Variants in WWOX observed in about 807,000 individuals in gnomAD.
WWOX encodes the protein WW domain-containing oxidoreductase.
Under a neutral mutation model 46.2 loss-of-function variants are expected in WWOX, and 69 were observed. The ratio of observed to expected loss-of-function variants is 1.49; its 90% CI spans 1.23 to 1.82. The LOEUF is 1.82. Among genes scored for constraint, WWOX ranks in the 40% most tolerant of loss-of-function variants. The probability of loss-of-function intolerance (pLI) is 0.00; values close to 1 mark genes in which losing one functional copy is unlikely to be tolerated. For missense variants in WWOX, 919 were observed against 542.6 expected, an observed-to-expected ratio of 1.69 and a Z score of -6.89; for synonymous variants, 359 against 202.6, an observed-to-expected ratio of 1.77 and a Z score of -6.56.
chr16:78,782,998 A>G (rs1220632367), intron 8 of WWOX, among the ~76,000 whole-genome samples: 1 of 152,232 alleles, frequency 6.6e-6, no homozygotes, highest in East Asian at 1.9e-4. Context: ...ATTTTGAATT[A>G]CAATACTGAA....
At chr16:78,640,353 G>A (rs2046677303) in intron 8 of WWOX, among the ~76,000 whole-genome samples, 1 of 147,522 alleles carries the variant, frequency 6.8e-6, no homozygotes, top group African/African-American at 2.5e-5. Context: ...AATTTGGAGT[G>A]CCACTCAAGT....
At chr16:78,507,647 G>A (rs914408505) in intron 8 of WWOX, among the ~76,000 whole-genome samples, 1 of 152,186 alleles carries the variant, frequency 6.6e-6, no homozygotes, top group Non-Finnish European at 1.5e-5. Flanking sequence ...AAATGCCTTG[G>A]TCCCGTCTCC....
intron 8 of WWOX, among the ~76,000 whole-genome samples, chr16:78,858,370 G>GTA (rs749758086): frequency 2.0e-5 from 3 of 151,718 alleles, no homozygotes; most frequent in East Asian, 1.9e-4. Flanking sequence ...GTGTGTGTAT[G>GTA]TATATATATG....
chr16:79,195,351 C>G (rs1418479105), intron 8 of WWOX, among the ~76,000 whole-genome samples: 1 of 152,130 alleles, frequency 6.6e-6, no homozygotes, highest in Non-Finnish European at 1.5e-5. Flanking sequence ...CAAGGAAACT[C>G]TGAAGCTGGA....
intron 8 of WWOX, among the ~76,000 whole-genome samples, chr16:78,833,441 C>G (rs910405874): frequency 6.6e-6 from 1 of 152,156 alleles, no homozygotes; most frequent in East Asian, 1.9e-4. Context: ...CCTCCTCCTC[C>G]TCCTCCTCCT....
chr16:78,164,050 G>A, intron 4 of WWOX, 133 bp from the exon 5 acceptor site: 1 of 827,880 alleles, frequency 1.2e-6, no homozygotes, highest in Non-Finnish European at 2.0e-6. Flanking sequence ...ATTTGCTTCT[G>A]TCCCCTGGGG....
At chr16:78,891,069 A>C (rs993387393) in intron 8 of WWOX, 12 of 152,206 alleles carry the variant, frequency 7.9e-5, no homozygotes, top group Admixed American at 7.2e-4. Flanking sequence ...ATAGTGAATA[A>C]AAAGTGATCC....
intron 8 of WWOX, among the ~76,000 whole-genome samples, chr16:79,188,592 T>A (rs2051066284): frequency 6.6e-6 from 1 of 152,230 alleles, no homozygotes; most frequent in Admixed American, 6.5e-5. Flanking sequence ...AAACTCTCAG[T>A]TAAATGTTTA....
At chr16:78,888,625 G>A (rs2044519072) in intron 8 of WWOX, among the ~76,000 whole-genome samples, 1 of 152,108 alleles carries the variant, frequency 6.6e-6, no homozygotes, top group Non-Finnish European at 1.5e-5. Context: ...TGTCCCTGCT[G>A]ACCGAGCCAG....
rs1001100826 is a variant in WWOX, at chr16:78,864,554, C to G, written c.1057-347054C>G. Among the ~76,000 whole-genome samples the G allele has an allele frequency of 7.2e-5, 11 of 152,168 alleles. 1 individual carries two copies. The East Asian group carries it at 2.1e-3, about 30-fold the overall frequency. ...AAAATGCTGGGATTATAGGCATGAG[C>G]CACTGCACCCAGCCCTGGATTTGGC... On this transcript the variant is annotated intron_variant, in intron 8 of 8. Coordinates refer to ENST00000566780, the MANE Select transcript of WWOX (RefSeq NM_016373.4).
intron 8 of WWOX, among the ~76,000 whole-genome samples, chr16:78,959,353 G>C (rs958895420): frequency 3.3e-5 from 5 of 152,204 alleles, no homozygotes; most frequent in African/African-American, 1.2e-4. Context: ...TTGGCCCTGA[G>C]AAAGCAAAGA....
At chr16:78,352,476 G>T (rs1430067008) in intron 5 of WWOX, among the ~76,000 whole-genome samples, 4 of 152,206 alleles carry the variant, frequency 2.6e-5, no homozygotes, top group East Asian at 3.9e-4. Context: ...TTTGGCTCAT[G>T]GCCCCTTCCT....
chr16:78,264,865 A>C (rs2079326555), intron 5 of WWOX: 1 of 152,362 alleles, frequency 6.6e-6, no homozygotes, highest in Non-Finnish European at 1.5e-5. Flanking sequence ...CCCAGCCTCT[A>C]GAACTGTAAG....
At chr16:78,701,002 G>C (rs527862978) in intron 8 of WWOX, among the ~76,000 whole-genome samples, 2 of 152,246 alleles carry the variant, frequency 1.3e-5, no homozygotes, top group Admixed American at 6.5e-5. Context: ...GAGCTAGGCT[G>C]CCTAGGTTTG....
chr16:78,418,313 G>A lies in WWOX; in HGVS notation c.606-6557G>A, dbSNP rs188816964. 1.2e-3 allele frequency among the ~76,000 whole-genome samples: 188 copies of A among 151,712 alleles called. 1 individual carries two copies. The highest frequency in any genetic ancestry group is 1.8e-4 in the Non-Finnish European group (12 of 67,956). On this transcript the variant is annotated intron_variant, in intron 6 of 8. Transcript: ENST00000566780. Reference sequence around the variant, plus strand: ...CGGGAGGTGGAGCTTGCAGTGAGCCGAGATTGCACCACTGCACTCCAGCCT... The same window carrying A: ...CGGGAGGTGGAGCTTGCAGTGAGCCAAGATTGCACCACTGCACTCCAGCCT...
chr16:78,423,413 T>C (rs1185091112), intron 6 of WWOX, among the ~76,000 whole-genome samples: 1 of 152,246 alleles, frequency 6.6e-6, no homozygotes, highest in Non-Finnish European at 1.5e-5. Context: ...ACTTTATATT[T>C]GCTGCTTTAG....
chr16:78,801,096 C>T (rs1043891573), intron 8 of WWOX, among the ~76,000 whole-genome samples: 2 of 151,698 alleles, frequency 1.3e-5, no homozygotes, highest in Non-Finnish European at 2.9e-5. Context: ...CTCTGTTGCC[C>T]AGGCTGGAGT....
At chr16:79,208,007 C>A (rs1038786014) in intron 8 of WWOX, among the ~76,000 whole-genome samples, 6 of 152,196 alleles carry the variant, frequency 3.9e-5, no homozygotes, top group African/African-American at 1.2e-4. Context: ...TATAAATAAA[C>A]AGCAACTGCT....
At chr16:78,694,585 A>C (rs369473231) in intron 8 of WWOX, among the ~76,000 whole-genome samples, 1 of 152,184 alleles carries the variant, frequency 6.6e-6, no homozygotes, top group Non-Finnish European at 1.5e-5. Context: ...CACTAGAAAC[A>C]CAGTAAATCC....
Sources: allele counts gnomAD v4.1 joint callset (sites outside exome capture counted in the v4.1 genomes callset), GRCh38; gene constraint gnomAD v4.1.1; transcripts MANE v1.5; gene names NCBI Gene and HGNC (gene_info 2026-07-23, HGNC 2026-07-21).